The following ST18 variants were observed in gnomAD, a reference collection of about 807,000 sequenced individuals.
ST18 encodes ST18 C2H2C-type zinc finger transcription factor, also known as suppression of tumorigenicity 18 protein.
Under a neutral mutation model 110.0 loss-of-function variants are expected in ST18, and 50 were observed. That is an observed-to-expected ratio of 0.45 (90% CI 0.36 to 0.58). ST18 has a LOEUF of 0.58. ST18 is among the 20% of genes least tolerant of loss of function. ST18 has a pLI of 0.00. For missense variants in ST18, 1,306 were observed against 1,280.1 expected (o/e 1.02, Z -0.31); for synonymous variants, 461 against 452.4 (o/e 1.02, Z -0.24).
chr8:52,131,125 T>C (rs1317490533), intron 22 of ST18, among the ~76,000 whole-genome samples: 1 of 152,232 alleles, frequency 6.6e-6, no homozygotes, highest in Non-Finnish European at 1.5e-5. Context: ...ATCATCCGTA[T>C]ATAACTTTAG....
chr8:52,338,126 T>G (rs1813017953), intron 2 of ST18, among the ~76,000 whole-genome samples: 1 of 152,116 alleles, frequency 6.6e-6, no homozygotes, highest in Non-Finnish European at 1.5e-5. Flanking sequence ...TGGCATGTTC[T>G]CGGCTCACTG....
chr8:52,178,341 A>G (rs2067718308), intron 9 of ST18, among the ~76,000 whole-genome samples: 1 of 152,010 alleles, frequency 6.6e-6, no homozygotes, highest in African/African-American at 2.4e-5. Flanking sequence ...CAACAAATAA[A>G]ACGGAGCCAG....
At chr8:52,165,933 C>T (rs1198144199) in intron 11 of ST18, among the ~76,000 whole-genome samples, 1 of 152,226 alleles carries the variant, frequency 6.6e-6, no homozygotes, top group Non-Finnish European at 1.5e-5. Context: ...GGTGGCAGCC[C>T]TCTGCTTCAC....
intron 2 of ST18, among the ~76,000 whole-genome samples, chr8:52,265,838 A>G (rs1427721137): frequency 6.6e-6 from 1 of 152,220 alleles, no homozygotes; most frequent in Admixed American, 6.5e-5. Context: ...TGTAGCTAGT[A>G]TTTCAAGATA....
At chr8:52,335,960 C>G (rs940652153) in intron 2 of ST18, among the ~76,000 whole-genome samples, 1 of 152,002 alleles carries the variant, frequency 6.6e-6, no homozygotes, top group Non-Finnish European at 1.5e-5. Flanking sequence ...CCTCTGTGGC[C>G]CCCATCTGTC....
At chr8:52,365,595 C>G (rs1827556315) in intron 2 of ST18, among the ~76,000 whole-genome samples, 1 of 146,950 alleles carries the variant, frequency 6.8e-6, no homozygotes, top group African/African-American at 2.5e-5. Context: ...AAAAAAAAAA[C>G]TTACGTTATT....
chr8:52,166,885 C>T lies in ST18; in HGVS notation c.1171G>A (p.Gly391Arg). Residue 391 changes from glycine (G) to arginine (R), a missense_variant, in exon 11 of 26, where the codon GGG becomes AGG. By Grantham distance (125) the Gly-to-Arg change is moderately radical (BLOSUM62 -2). Transcript: ENST00000689386. The part of the protein sequence containing the change: ...GLYPHHRSLS[G>R]CPHKVRVPLE... Reference sequence around the variant, plus strand: ...GGAACCCGCACTTTGTGGGGGCACCCCGAAAGGCTGCGGTGGTGCGGGTAG... The same window carrying T: ...GGAACCCGCACTTTGTGGGGGCACCTCGAAAGGCTGCGGTGGTGCGGGTAG... 3 of 1,603,288 alleles carry T rather than the reference C, an allele frequency of 1.9e-6. No homozygotes were observed. Among genetic ancestry groups the T allele is most frequent in the Non-Finnish European group, 2.6e-6 (3 of 1,172,220 alleles).
rs142558079 is a variant in ST18, at chr8:52,250,088, A to G, written c.-464-20011T>C. On this transcript the variant is annotated intron_variant, in intron 2 of 25. Coordinates refer to ENST00000689386, the MANE Select transcript of ST18 (RefSeq NM_001352837.2). ...CTATGAAAAATGAAATGCTGAGAGC[A>G]CTATGAATGACGACAGCTGTCCATA... Among the ~76,000 whole-genome samples, 144 of 152,132 alleles carry G rather than the reference A, an allele frequency of 9.5e-4. 1 individual carries two copies. Among genetic ancestry groups the G allele is most frequent in the African/African-American group, 3.1e-3 (130 of 41,502 alleles).
At chr8:52,188,809 G>A (rs1399604733) in intron 8 of ST18, among the ~76,000 whole-genome samples, 2 of 152,154 alleles carry the variant, frequency 1.3e-5, no homozygotes, top group East Asian at 3.9e-4. Context: ...GAGATTAGAT[G>A]ATGGATGTAA....
At chr8:52,377,138 G>A (rs1832720703) in intron 2 of ST18, among the ~76,000 whole-genome samples, 1 of 152,160 alleles carries the variant, frequency 6.6e-6, no homozygotes, top group African/African-American at 2.4e-5. Flanking sequence ...AAAAATTGGT[G>A]ATGTAGACCA....
At chr8:52,115,282 T>G (rs191351156) in intron 25 of ST18, among the ~76,000 whole-genome samples, 1 of 152,298 alleles carries the variant, frequency 6.6e-6, no homozygotes, top group Admixed American at 6.5e-5. Flanking sequence ...TTCTAAAAAT[T>G]TAGGTTCTGA....
At chr8:52,126,012 AC>A in intron 23 of ST18, 39 bp downstream of exon 23, 1 of 1,566,724 alleles carries the variant, frequency 6.4e-7, no homozygotes, top group South Asian at 1.1e-5. Flanking sequence ...CAGGGTCTAC[AC>A]CCTGCAGGAG....
intron 8 of ST18, among the ~76,000 whole-genome samples, chr8:52,187,870 T>C (rs1052069965): frequency 1.3e-5 from 2 of 152,238 alleles, no homozygotes; most frequent in Non-Finnish European, 2.9e-5. Flanking sequence ...AATTGCAATC[T>C]ATACTTAAAA....
At position 52,159,018 on chromosome 8, in the gene ST18, G is replaced by T. The variant is rs1425705739; in HGVS notation, c.1686C>A (p.Ser562Arg). The T allele has an allele frequency of 1.2e-6, 2 of 1,614,026 alleles. No individual in the cohort carries two copies. The highest frequency in any genetic ancestry group is 1.7e-6 in the Non-Finnish European group (2 of 1,180,010). The change falls in exon 15 of 26, where the codon AGC becomes AGA. Residue 562 changes from serine (S) to arginine (R), a missense_variant. By Grantham distance (110) the Ser-to-Arg change is moderately radical. Coordinates refer to ENST00000689386, the MANE Select transcript of ST18 (RefSeq NM_001352837.2). ...TQSPGRASSY[S>R]YGQCSEDTHI... is the part of the protein sequence containing the mutation. ...GGGTGTCTTCACTACATTGACCGTA[G>T]CTATAAGAGCTGGCACGGCCAGGGC...
chr8:52,161,312 T>C (rs1587371427), intron 14 of ST18, 63 bp downstream of exon 14: 2 of 1,541,788 alleles, frequency 1.3e-6, no homozygotes, highest in Non-Finnish European at 8.8e-7. Flanking sequence ...TGGCCCCCAG[T>C]ACACACATAC....
intron 2 of ST18, among the ~76,000 whole-genome samples, chr8:52,295,666 C>T (rs995698840): frequency 3.4e-5 from 5 of 147,726 alleles, no homozygotes; most frequent in East Asian, 2.0e-4. Context: ...AAAGGGGTTT[C>T]GGGACAATTT....
At position 52,409,600 on chromosome 8, in the gene ST18, C is replaced by T. The variant is rs528255825; in HGVS notation, c.-642G>A. 17 of 152,358 alleles carry T rather than the reference C, an allele frequency of 1.1e-4. No homozygotes were observed. In the East Asian group the frequency reaches 2.7e-3, roughly 24 times the overall value. The allele number at this position is 152,358 out of a possible 1,614,324, so 9.4% of individuals were successfully genotyped here. On this transcript the variant is annotated 5_prime_UTR_variant, in exon 1 of 26. Coordinates refer to ENST00000689386, the MANE Select transcript of ST18 (RefSeq NM_001352837.2). ...TTTGCGTGGGATGATGCCAGCTTCT[C>T]TCTTCATGTGGCCTTATTAAAAGCC...
At chr8:52,141,370 T>C (rs1041813545) in intron 17 of ST18, among the ~76,000 whole-genome samples, 1 of 152,110 alleles carries the variant, frequency 6.6e-6, no homozygotes, top group African/African-American at 2.4e-5. Context: ...CAGTGCATAT[T>C]ATGCACCAAT....
intron 24 of ST18, among the ~76,000 whole-genome samples, chr8:52,117,647 T>C (rs968909029): frequency 1.4e-4 from 21 of 152,216 alleles, no homozygotes; most frequent in African/African-American, 5.1e-4. Context: ...CTTAAGCTGT[T>C]GTGTGAGGAC....
Sources: gnomAD v4.1 joint callset for allele counts (sites outside exome capture counted in the v4.1 genomes callset) on GRCh38, gnomAD v4.1.1 for gene constraint, MANE v1.5 for transcripts, NCBI Gene and HGNC (gene_info 2026-07-23, HGNC 2026-07-21) for gene names.